The following DTNB variants were observed in gnomAD, a reference collection of about 807,000 sequenced individuals.
DTNB encodes dystrobrevin beta, also known as DTN-B.
DTNB carries 63 observed loss-of-function variants against 90.7 expected under a neutral mutation model. That is an observed-to-expected ratio of 0.69 (90% CI 0.57 to 0.86). The LOEUF (loss-of-function observed/expected upper bound fraction) is 0.86, where lower values mean the gene tolerates loss of function less well. Among genes scored for constraint, DTNB ranks in the 40% least tolerant of loss-of-function variants. DTNB has a pLI of 0.00. For missense variants in DTNB, 744 were observed against 807.1 expected, an observed-to-expected ratio of 0.92 and a Z score of 0.95; for synonymous variants, 277 against 286.7, an observed-to-expected ratio of 0.97 and a Z score of 0.34.
At chr2:25,650,970 A>C (rs1371049294) in intron 2 of DTNB, among the ~76,000 whole-genome samples, 1 of 147,960 alleles carries the variant, frequency 6.8e-6, no homozygotes, top group Non-Finnish European at 1.5e-5. Flanking sequence ...CAAAAAAAAA[A>C]AAAATAATAA....
intron 8 of DTNB, among the ~76,000 whole-genome samples, chr2:25,553,451 G>A (rs906301713): frequency 6.6e-6 from 1 of 151,994 alleles, no homozygotes; most frequent in Non-Finnish European, 1.5e-5. Flanking sequence ...AATACGGCTA[G>A]GTAGGGCTGG....
intron 9 of DTNB, among the ~76,000 whole-genome samples, chr2:25,523,992 C>G (rs1575376433): frequency 6.6e-6 from 1 of 151,488 alleles, no homozygotes; most frequent in Non-Finnish European, 1.5e-5. Flanking sequence ...ACCTCCACCT[C>G]CCAGGTTCAA....
intron 9 of DTNB, among the ~76,000 whole-genome samples, chr2:25,490,663 T>C (rs1268131893): frequency 6.6e-6 from 1 of 152,192 alleles, no homozygotes; most frequent in Non-Finnish European, 1.5e-5. Flanking sequence ...AATTATAGGA[T>C]ATTATGCTGT....
At chr2:25,573,432 A>T (rs2060179629) in intron 8 of DTNB, among the ~76,000 whole-genome samples, 3 of 152,140 alleles carry the variant, frequency 2.0e-5, no homozygotes, top group Admixed American at 2.0e-4. Context: ...GTCTACTAGG[A>T]CTTTGTGGCT....
chr2:25,534,477 C>T (rs1048283720), intron 8 of DTNB, among the ~76,000 whole-genome samples: 9 of 152,104 alleles, frequency 5.9e-5, no homozygotes, highest in East Asian at 1.9e-4. Context: ...TCGACAAAAC[C>T]GCCATCGTCG....
At chr2:25,589,955 C>T (rs925152211) in intron 6 of DTNB, among the ~76,000 whole-genome samples, 1 of 152,216 alleles carries the variant, frequency 6.6e-6, no homozygotes, top group East Asian at 1.9e-4. Context: ...GTGTGGGGTC[C>T]GGCCACTATG....
At chr2:25,542,483 T>C (rs1348651346) in intron 8 of DTNB, among the ~76,000 whole-genome samples, 1 of 152,220 alleles carries the variant, frequency 6.6e-6, no homozygotes, top group East Asian at 1.9e-4. Flanking sequence ...AATTTTCCTT[T>C]TCTTGCTGAT....
At chr2:25,378,468 GAT>G (rs1283002193) in intron 20 of DTNB, among the ~76,000 whole-genome samples, 1 of 151,946 alleles carries the variant, frequency 6.6e-6, no homozygotes, top group Non-Finnish European at 1.5e-5. Context: ...GCTATTCCAG[GAT>G]GACACGACTT....
chr2:25,413,137 A>G (rs2149740250), intron 16 of DTNB, among the ~76,000 whole-genome samples: 1 of 152,302 alleles, frequency 6.6e-6, no homozygotes, highest in East Asian at 1.9e-4. Flanking sequence ...TTCTTTAGCT[A>G]GAAATAACAA....
chr2:25,388,507 G>T, intron 16 of DTNB, 146 bp from the exon 17 acceptor site: 1 of 1,133,520 alleles, frequency 8.8e-7, no homozygotes, highest in Non-Finnish European at 1.2e-6. Context: ...AAGGAGTTAG[G>T]CTGCTTCCAA....
At chr2:25,514,668 C>G (rs1213647248) in intron 9 of DTNB, among the ~76,000 whole-genome samples, 1 of 140,978 alleles carries the variant, frequency 7.1e-6, no homozygotes, top group African/African-American at 2.6e-5. Flanking sequence ...AAAGAAACAT[C>G]TTTGAAAAAA....
intron 16 of DTNB, among the ~76,000 whole-genome samples, chr2:25,415,362 T>C (rs1404692496): frequency 6.6e-6 from 1 of 151,066 alleles, no homozygotes; most frequent in East Asian, 2.0e-4. Flanking sequence ...TTCTCCTGCC[T>C]CAGCCTCCCG....
intron 12 of DTNB, among the ~76,000 whole-genome samples, chr2:25,446,807 T>A (rs2058503008): frequency 6.6e-6 from 1 of 152,242 alleles, no homozygotes; most frequent in African/African-American, 2.4e-5. Flanking sequence ...AACTTAGCCA[T>A]TAATTCTTCA....
intron 16 of DTNB, among the ~76,000 whole-genome samples, chr2:25,395,209 T>A (rs1413850983): frequency 6.6e-6 from 1 of 152,106 alleles, no homozygotes; most frequent in Non-Finnish European, 1.5e-5. Context: ...AATGATATAT[T>A]GGACTTTGGG....
At chr2:25,670,256 T>C (rs1442186387) in intron 1 of DTNB, among the ~76,000 whole-genome samples, 1 of 152,206 alleles carries the variant, frequency 6.6e-6, no homozygotes, top group African/African-American at 2.4e-5. Context: ...GCTCTTTTTT[T>C]ATTCTGTATT....
chr2:25,627,963 C>T (rs1018426167), intron 4 of DTNB, among the ~76,000 whole-genome samples: 2 of 152,134 alleles, frequency 1.3e-5, no homozygotes, highest in African/African-American at 2.4e-5. Context: ...GTCTCCATCT[C>T]CTGACCTTGT....
At chr2:25,583,807 CT>C (rs1157173921) in intron 6 of DTNB, among the ~76,000 whole-genome samples, 1 of 152,134 alleles carries the variant, frequency 6.6e-6, no homozygotes, top group Non-Finnish European at 1.5e-5. Flanking sequence ...GCGTGAACCA[CT>C]GCACCCAATC....
chr2:25,413,590 C>T (rs966671717), intron 16 of DTNB, among the ~76,000 whole-genome samples: 6 of 152,156 alleles, frequency 3.9e-5, no homozygotes, highest in Non-Finnish European at 5.9e-5. Flanking sequence ...ACAAAGGACA[C>T]AAACCCATCC....
intron 6 of DTNB, chr2:25,595,242 G>C (rs558503660): frequency 6.6e-6 from 1 of 152,230 alleles, no homozygotes; most frequent in South Asian, 2.1e-4. Context: ...TAGGGATTTT[G>C]ATCACTTGGT....
Sources: allele counts gnomAD v4.1 joint callset (sites outside exome capture counted in the v4.1 genomes callset), GRCh38; gene constraint gnomAD v4.1.1; transcripts MANE v1.5; gene names NCBI Gene and HGNC (gene_info 2026-07-23, HGNC 2026-07-21).